The following AGAP3 variants were observed in gnomAD, a reference collection of about 807,000 sequenced individuals.
AGAP3 encodes the protein ArfGAP with GTPase domain, ankyrin repeat and PH domain 3.
A neutral mutation model predicts 96.9 loss-of-function variants in AGAP3; 24 were observed. That is an observed-to-expected ratio of 0.25 (90% CI 0.18 to 0.35). The LOEUF is 0.35. AGAP3 is among the 10% of genes least tolerant of loss of function. The pLI, the probability that AGAP3 is intolerant of heterozygous loss-of-function variation, is 1.00. For synonymous variants in AGAP3, 563 were observed against 536.1 expected, an observed-to-expected ratio of 1.05 and a Z score of -0.69; for missense variants, 876 against 1,254.2, an observed-to-expected ratio of 0.70 and a Z score of 4.55.
At chr7:151,121,477 T>C (rs1437357402) in intron 8 of AGAP3, among the ~76,000 whole-genome samples, 1 of 152,074 alleles carries the variant, frequency 6.6e-6, no homozygotes, top group East Asian at 1.9e-4. Flanking sequence ...ATCCGCTGCC[T>C]CAGTTCCATT....
chr7:151,138,361 CAG>C (rs758780758), intron 12 of AGAP3, 48 bp downstream of exon 12: 3 of 1,556,144 alleles, frequency 1.9e-6, no homozygotes, highest in African/African-American at 2.7e-5. Context: ...GCCCCAGTGA[CAG>C]AGAGGAGGGG....
chr7:151,127,138 G>T (rs143878534), intron 9 of AGAP3, among the ~76,000 whole-genome samples: 309 of 152,310 alleles, frequency 2.0e-3, no homozygotes, highest in African/African-American at 6.9e-3. Context: ...ATCCATCTAG[G>T]AGTTAGCCTT....
chr7:151,104,583 G>A (rs897823158), intron 1 of AGAP3, among the ~76,000 whole-genome samples: 3 of 152,214 alleles, frequency 2.0e-5, no homozygotes, highest in Non-Finnish European at 2.9e-5. Flanking sequence ...AGTAATCAGG[G>A]GCGTGCCCAT....
chr7:151,123,338 T>C (rs1348590573), intron 8 of AGAP3: 2 of 1,038,820 alleles, frequency 1.9e-6, no homozygotes, highest in African/African-American at 1.7e-5. Flanking sequence ...GTCCATCCAC[T>C]GTGCCCCTTG....
intron 11 of AGAP3, 36 bp downstream of exon 11, chr7:151,134,604 G>T: frequency 6.4e-7 from 1 of 1,561,862 alleles, no homozygotes; most frequent in Non-Finnish European, 8.7e-7. Context: ...CTGGGGGGTG[G>T]CTGCCTTGGA....
rs569636060 is a variant in AGAP3 at position 151,097,297 on chromosome 7, G to A, written c.331+10225G>A. 1.3e-4 allele frequency among the ~76,000 whole-genome samples: 20 copies of A among 151,768 alleles called. No homozygotes were observed. The East Asian group carries it at 3.7e-3, about 28-fold the overall frequency. ...TGTAATCCCAGCACTTTGGGAAGCC[G>A]AGGCAGGTGGATCACCTGAGGTCAG... is the stretch of plus-strand genomic sequence containing the variant. On this transcript the variant is annotated intron_variant, in intron 1 of 17. Transcript: ENST00000397238.
chr7:151,123,809 G>C lies in AGAP3; in HGVS notation c.1144G>C (p.Asp382His). 1 of 1,613,160 alleles carries C rather than the reference G, an allele frequency of 6.2e-7. No homozygotes were observed. ...SNIFTSRKGA[D>H]LDREKKAAEC... The stretch of plus-strand genomic sequence containing the variant: ...TCTCTTCCAGTCTCGGAAGGGTGCT[G>C]ACCTGGACCGGGAGAAGAAGGCTGC... The change falls in exon 9 of 18, where the codon GAC becomes CAC. Residue 382 changes from aspartate (D) to histidine (H), a missense_variant. Coordinates refer to ENST00000397238, the MANE Select transcript of AGAP3 (RefSeq NM_031946.7).
In AGAP3 at chr7:151,114,754, G is replaced by A; in HGVS notation, c.332-2039G>A. 1 of 1,017,482 alleles carries A rather than the reference G, an allele frequency of 9.8e-7. No individual in the cohort carries two copies. The highest frequency in any genetic ancestry group is 4.8e-4 in the Middle Eastern group (1 of 2,066). The allele number at this position is 1,017,482 out of a possible 1,614,324, so 63.0% of individuals were successfully genotyped here. Reference sequence around the variant, plus strand: ...GCCCCTCGCCATGGGCCTGGCCCGCGCCCGCCGGCCCTGAGCATGGAGCGG... The same window carrying A: ...GCCCCTCGCCATGGGCCTGGCCCGCACCCGCCGGCCCTGAGCATGGAGCGG... On this transcript the variant is annotated intron_variant, in intron 1 of 17. Coordinates refer to ENST00000397238, the MANE Select transcript of AGAP3 (RefSeq NM_031946.7). This position sits in a 1 kb window ranked among gnomAD's most constrained non-coding sequence, Gnocchi z 4.4.
chr7:151,116,830 C>G lies in AGAP3; in HGVS notation c.369C>G (p.Arg123=). Residue 123 remains arginine, a synonymous_variant, in exon 2 of 18, where the codon CGC becomes CGG. Coordinates refer to ENST00000397238, the MANE Select transcript of AGAP3 (RefSeq NM_031946.7). ...ACAGCCAGGAGTGGACGCTGAGCCG[C>G]TCCGTACCGGAGCTTAAAGTGGTGA... The part of the protein sequence containing the change: ...FVNSQEWTLS[R]SVPELKVGIV... 1 of 1,614,132 alleles carries G rather than the reference C, an allele frequency of 6.2e-7. No homozygotes were observed. Among genetic ancestry groups the G allele is most frequent in the South Asian group, 1.1e-5 (1 of 91,090 alleles).
chr7:151,130,125 C>T (rs1193045038), intron 10 of AGAP3, among the ~76,000 whole-genome samples: 1 of 152,224 alleles, frequency 6.6e-6, no homozygotes, highest in Non-Finnish European at 1.5e-5. Context: ...TGTCCATTTC[C>T]CCACCTGTGT....
intron 9 of AGAP3, among the ~76,000 whole-genome samples, chr7:151,126,971 G>A (rs1346616434): frequency 6.6e-6 from 1 of 152,328 alleles, no homozygotes; most frequent in South Asian, 2.1e-4. Flanking sequence ...TGGTGTGGCC[G>A]GAGGAGGAGC....
In AGAP3 at chr7:151,140,081, C is replaced by A; in HGVS notation, c.1769C>A (p.Thr590Asn). The A allele has an allele frequency of 6.2e-7, 1 of 1,602,934 alleles. No homozygotes were observed. The highest frequency in any genetic ancestry group is 8.5e-7 in the Non-Finnish European group (1 of 1,175,132). The change falls in exon 13 of 18, where the codon ACC becomes AAC. Residue 590 changes from threonine (T) to asparagine (N), a missense_variant. By Grantham distance (65) the Thr-to-Asn change is moderately conservative. This residue lies in a region of AGAP3 where 155 missense variants were observed against 144.4 expected (regional missense o/e 1.07). Transcript: ENST00000397238. The surrounding 1 kb of genome is among the most constrained non-coding windows in gnomAD (Gnocchi z 5.4). ...CACCGGAGGAAAAAGAGCACCGGGACCCCCCGACCAGACGGCCCCAGCAGT... is the reference window on the plus strand; with the variant it reads ...CACCGGAGGAAAAAGAGCACCGGGAACCCCCGACCAGACGGCCCCAGCAGT... The part of the protein sequence containing the change: ...KKHRRKKSTG[T>N]PRPDGPSSAT...
chr7:151,115,407 C>T (rs1422392937), intron 1 of AGAP3: 2 of 1,009,044 alleles, frequency 2.0e-6, no homozygotes, highest in Non-Finnish European at 2.4e-6. Context: ...CCGGCCGCCG[C>T]GCGCGCGCAC....
Position 151,114,231 on chromosome 7 carries a change from C to A in AGAP3, c.332-2562C>A, listed in dbSNP as rs916355715. ...GGACCACCTCGTTGAAGCTCGCGTGCTGCAGACGAGGACACGCGCGCAGAC... is the reference window on the plus strand; with the variant it reads ...GGACCACCTCGTTGAAGCTCGCGTGATGCAGACGAGGACACGCGCGCAGAC... On this transcript the variant is annotated intron_variant, in intron 1 of 17. Coordinates refer to ENST00000397238, the MANE Select transcript of AGAP3 (RefSeq NM_031946.7). This position sits in a 1 kb window ranked among gnomAD's most constrained non-coding sequence, Gnocchi z 4.4. 1.3e-5 allele frequency among the ~76,000 whole-genome samples: 2 copies of A among 152,254 alleles called. No individual in the cohort carries two copies. Among genetic ancestry groups the A allele is most frequent in the African/African-American group, 4.8e-5 (2 of 41,466 alleles).
At chr7:151,125,358 A>G (rs729710) in intron 9 of AGAP3, among the ~76,000 whole-genome samples, 46,687 of 152,152 alleles carry the variant, frequency 0.31, 7,327 homozygotes, top group East Asian at 0.42. Context: ...GGAAGGAGAC[A>G]TGTTGGGTTG....
At position 151,109,533 on chromosome 7, in the gene AGAP3, G is replaced by C. The variant is rs138246410; in HGVS notation, c.332-7260G>C. 9.4e-3 allele frequency among the ~76,000 whole-genome samples: 1,434 copies of C among 152,288 alleles called. 14 individuals are homozygous for C. The highest frequency in any genetic ancestry group is 0.053 in the South Asian group (256 of 4,824). On this transcript the variant is annotated intron_variant, in intron 1 of 17. Transcript: ENST00000397238. Reference sequence around the variant, plus strand: ...GACTTCCCTTGGTGTCTGTCGACATGCCCAAATTCCCCCCTTTTATAAGGA... The same window carrying C: ...GACTTCCCTTGGTGTCTGTCGACATCCCCAAATTCCCCCCTTTTATAAGGA...
chr7:151,100,371 TTC>T (rs1798789196), intron 1 of AGAP3, among the ~76,000 whole-genome samples: 1 of 152,330 alleles, frequency 6.6e-6, no homozygotes, highest in East Asian at 1.9e-4. Context: ...TGCCCTGCAC[TTC>T]TCTGTGTGGG....
rs1179385232 is a variant in AGAP3 at position 151,114,858 on chromosome 7, G to A, written c.332-1935G>A. On this transcript the variant is annotated intron_variant, in intron 1 of 17. Transcript: ENST00000397238. The surrounding 1 kb of genome is among the most constrained non-coding windows in gnomAD (Gnocchi z 4.4). ...CGCCCACAGCGTCTGCGACTCGCTG[G>A]ACCTGCACGGCGCCTCGGCCGGCCG... The A allele has an allele frequency of 1.9e-6, 2 of 1,036,322 alleles. No individual in the cohort carries two copies. The highest frequency in any genetic ancestry group is 1.7e-5 in the African/African-American group (1 of 57,538). 64.2% of individuals were successfully genotyped at this position (1,036,322 alleles called of 1,614,324 possible). A position where few individuals can be genotyped will look rare whatever the true frequency, so the allele number is the denominator to read the frequency against.
At chr7:151,110,655 C>G (rs1429445520) in intron 1 of AGAP3, among the ~76,000 whole-genome samples, 2 of 152,110 alleles carry the variant, frequency 1.3e-5, no homozygotes, top group African/African-American at 4.8e-5. Flanking sequence ...GTGATGGAGG[C>G]TGGAGATGGG....
Sources: gnomAD v4.1 joint callset for allele counts (sites outside exome capture counted in the v4.1 genomes callset) on GRCh38, gnomAD v4.1.1 for gene constraint, gnomAD v4.1.1 regional missense constraint, Gnocchi (gnomAD v3.1) non-coding constraint, MANE v1.5 for transcripts, NCBI Gene and HGNC (gene_info 2026-07-23, HGNC 2026-07-21) for gene names.